The following HS6ST3 variants were observed in gnomAD, a reference collection of about 807,000 sequenced individuals.
The protein encoded by HS6ST3 is heparan-sulfate 6-O-sulfotransferase 3.
In HS6ST3, 12 loss-of-function variants were observed where a neutral mutation model predicts 36.7. The ratio of observed to expected loss-of-function variants is 0.33; its 90% CI spans 0.21 to 0.53. HS6ST3 has a LOEUF of 0.53. Ranked by LOEUF, HS6ST3 falls within the 20% of genes least tolerant of loss-of-function variation. HS6ST3 has a pLI of 0.95. For missense variants in HS6ST3, 584 were observed against 640.9 expected, an observed-to-expected ratio of 0.91 and a Z score of 0.96; for synonymous variants, 240 against 257.5, an observed-to-expected ratio of 0.93 and a Z score of 0.65.
chr13:96,344,363 T>A (rs1263951056), intron 1 of HS6ST3, among the ~76,000 whole-genome samples: 1 of 152,208 alleles, frequency 6.6e-6, no homozygotes, highest in African/African-American at 2.4e-5. Flanking sequence ...TGCTTGTATA[T>A]CTTCTGTGAG....
intron 1 of HS6ST3, among the ~76,000 whole-genome samples, chr13:96,109,130 G>T (rs2053856457): frequency 6.6e-6 from 1 of 152,196 alleles, no homozygotes; most frequent in African/African-American, 2.4e-5. Flanking sequence ...AACAGTATTT[G>T]TAAAGTTGGC....
At chr13:96,164,440 C>G (rs1025289763) in intron 1 of HS6ST3, among the ~76,000 whole-genome samples, 7 of 151,706 alleles carry the variant, frequency 4.6e-5, no homozygotes, top group African/African-American at 1.7e-4. Context: ...GCCTGTAGGC[C>G]TAGCTACTCG....
chr13:96,351,787 G>A (rs926337713), intron 1 of HS6ST3, among the ~76,000 whole-genome samples: 1 of 152,154 alleles, frequency 6.6e-6, no homozygotes, highest in Non-Finnish European at 1.5e-5. Context: ...AATAGAAGGT[G>A]AAATTATTAT....
At chr13:96,462,282 G>T (rs1248940862) in intron 1 of HS6ST3, among the ~76,000 whole-genome samples, 3 of 152,046 alleles carry the variant, frequency 2.0e-5, no homozygotes, top group Non-Finnish European at 4.4e-5. Context: ...TGTTGCCTAG[G>T]CTGGTCTCAA....
At chr13:96,132,348 C>G (rs1385151920) in intron 1 of HS6ST3, among the ~76,000 whole-genome samples, 1 of 151,536 alleles carries the variant, frequency 6.6e-6, no homozygotes. Flanking sequence ...TATGGTAGTT[C>G]TATTTTTAAT....
At chr13:96,419,139 G>C (rs2055549749) in intron 1 of HS6ST3, among the ~76,000 whole-genome samples, 1 of 152,192 alleles carries the variant, frequency 6.6e-6, no homozygotes, top group Admixed American at 6.5e-5. Flanking sequence ...TGTAATTATA[G>C]AGGCAAGGAA....
chr13:96,261,527 A>T (rs1426428263), intron 1 of HS6ST3, among the ~76,000 whole-genome samples: 9 of 152,208 alleles, frequency 5.9e-5, no homozygotes, highest in Non-Finnish European at 1.0e-4. Context: ...CACAAATACA[A>T]GACTATAGTG....
At chr13:96,318,339 C>A (rs983476079) in intron 1 of HS6ST3, among the ~76,000 whole-genome samples, 4 of 151,924 alleles carry the variant, frequency 2.6e-5, no homozygotes, top group African/African-American at 7.3e-5. Flanking sequence ...TGAGACCAGG[C>A]TGGCCAACAT....
chr13:96,605,802 C>T (rs1031233786), intron 1 of HS6ST3, among the ~76,000 whole-genome samples: 2 of 150,984 alleles, frequency 1.3e-5, no homozygotes, highest in Admixed American at 6.6e-5. Flanking sequence ...AAATAGGCAA[C>T]TTACAGAGTC....
At chr13:96,554,003 C>T (rs765748828) in intron 1 of HS6ST3, among the ~76,000 whole-genome samples, 12 of 152,020 alleles carry the variant, frequency 7.9e-5, no homozygotes, top group African/African-American at 1.2e-4. Context: ...CATGTGTGTG[C>T]GCGTGCATGT....
At chr13:96,229,224 T>C (rs145782408) in intron 1 of HS6ST3, among the ~76,000 whole-genome samples, 1 of 152,322 alleles carries the variant, frequency 6.6e-6, no homozygotes, top group East Asian at 1.9e-4. Flanking sequence ...GCCTATCACT[T>C]TGGTGCTAGA....
chr13:96,579,168 AGTCCTGG>A (rs2056332803), intron 1 of HS6ST3, among the ~76,000 whole-genome samples: 1 of 152,150 alleles, frequency 6.6e-6, no homozygotes, highest in African/African-American at 2.4e-5. Flanking sequence ...ATACAAAATA[AGTCCTGG>A]GTTTTAATTT....
intron 1 of HS6ST3, among the ~76,000 whole-genome samples, chr13:96,503,942 G>T (rs1224963980): frequency 6.6e-6 from 1 of 152,088 alleles, no homozygotes; most frequent in Non-Finnish European, 1.5e-5. Context: ...GCAGATAGTT[G>T]CCTTTTTGTT....
intron 1 of HS6ST3, among the ~76,000 whole-genome samples, chr13:96,194,304 C>T (rs2054302059): frequency 6.8e-6 from 1 of 146,338 alleles, no homozygotes; most frequent in Non-Finnish European, 1.5e-5. Context: ...AAATAGAGTG[C>T]ATTTGAAGAT....
intron 1 of HS6ST3, among the ~76,000 whole-genome samples, chr13:96,113,223 T>G (rs1463269826): frequency 6.6e-6 from 1 of 152,188 alleles, no homozygotes; most frequent in Non-Finnish European, 1.5e-5. Context: ...CAAGCTCTCC[T>G]GTTCTTGAGC....
intron 1 of HS6ST3, among the ~76,000 whole-genome samples, chr13:96,808,186 C>A (rs186460543): frequency 3.3e-5 from 5 of 152,268 alleles, no homozygotes; most frequent in Non-Finnish European, 1.5e-5. Flanking sequence ...TGAGCCCAGC[C>A]TTTAGTATGG....
At chr13:96,295,127 G>A (rs2054848639) in intron 1 of HS6ST3, among the ~76,000 whole-genome samples, 1 of 152,086 alleles carries the variant, frequency 6.6e-6, no homozygotes, top group African/African-American at 2.4e-5. Flanking sequence ...TTACTTCGCA[G>A]CTGTTTCACC....
chr13:96,749,735 C>T (rs1274372036), intron 1 of HS6ST3, among the ~76,000 whole-genome samples: 2 of 152,054 alleles, frequency 1.3e-5, no homozygotes, highest in Non-Finnish European at 2.9e-5. Flanking sequence ...CACTCATCTG[C>T]TGAAGTATTT....
intron 1 of HS6ST3, among the ~76,000 whole-genome samples, chr13:96,193,536 G>C (rs2054298695): frequency 6.6e-6 from 1 of 152,174 alleles, no homozygotes; most frequent in South Asian, 2.1e-4. Flanking sequence ...CTCTCAGACA[G>C]CGATCAATTT....
Sources: allele counts gnomAD v4.1 joint callset (sites outside exome capture counted in the v4.1 genomes callset), GRCh38; gene constraint gnomAD v4.1.1; transcripts MANE v1.5; gene names NCBI Gene and HGNC (gene_info 2026-07-23, HGNC 2026-07-21).